Variants in MYO5B observed in about 807,000 individuals in gnomAD.
The protein encoded by MYO5B is myosin VB.
MYO5B carries 143 observed loss-of-function variants against 229.3 expected under a neutral mutation model. The observed-to-expected ratio is 0.62, with a 90% CI of 0.54 to 0.72. The LOEUF (loss-of-function observed/expected upper bound fraction) is 0.72. Among genes scored for constraint, MYO5B ranks in the 30% least tolerant of loss-of-function variants. MYO5B has a pLI of 0.00. For synonymous variants in MYO5B, 918 were observed against 885.2 expected (o/e 1.04, Z -0.66); for missense variants, 2,321 against 2,331.0 (o/e 1.00, Z 0.09).
chr18:49,875,250 A>G (rs2024504590), intron 26 of MYO5B, among the ~76,000 whole-genome samples: 1 of 152,148 alleles, frequency 6.6e-6, no homozygotes, highest in African/African-American at 2.4e-5. Context: ...ATGAGAGAGG[A>G]AAGTGAGTGA....
At chr18:50,191,611 TATTA>T (rs2033227788) in intron 1 of MYO5B, among the ~76,000 whole-genome samples, 1 of 152,256 alleles carries the variant, frequency 6.6e-6, no homozygotes, top group Non-Finnish European at 1.5e-5. Context: ...AGCAATCCGA[TATTA>T]ATTCTTGTTC....
At chr18:50,101,521 G>A (rs2031654825) in intron 1 of MYO5B, among the ~76,000 whole-genome samples, 1 of 151,878 alleles carries the variant, frequency 6.6e-6, no homozygotes, top group African/African-American at 2.4e-5. Flanking sequence ...CTAATATCCA[G>A]AATCTACAAG....
At chr18:49,990,575 C>T (rs2025920071) in intron 6 of MYO5B, 55 bp from the exon 7 acceptor site, 1 of 1,458,390 alleles carries the variant, frequency 6.9e-7, no homozygotes, top group South Asian at 1.1e-5. Context: ...ACATCGTTCC[C>T]TCTGCCACTG....
chr18:49,914,850 T>A (rs1360581830), intron 17 of MYO5B, among the ~76,000 whole-genome samples: 1 of 151,024 alleles, frequency 6.6e-6, no homozygotes, highest in Non-Finnish European at 1.5e-5. Flanking sequence ...CAGCTTTGGA[T>A]TCAGCTGCAG....
At chr18:49,893,685 A>C (rs117492973) in intron 22 of MYO5B, among the ~76,000 whole-genome samples, 1,628 of 152,226 alleles carry the variant, frequency 0.011, 9 homozygotes, top group Non-Finnish European at 0.018. Context: ...CCTGGATCCC[A>C]CCTCTGGCCC....
rs1247095174 is a variant in MYO5B at position 49,902,774 on chromosome 18, G to A, written c.2631C>T (p.Arg877=). 6.2e-7 allele frequency: 1 copy of A among 1,604,964 alleles called. No individual in the cohort carries two copies. Among genetic ancestry groups the A allele is most frequent in the Middle Eastern group, 1.6e-4 (1 of 6,062 alleles). The part of the protein sequence containing the change: ...IQKHVRGWMA[R]RHFQRLRDAA... ...CATCCCGCAGCCGCTGGAAGTGCCTGCGTGCCATCCAGCCCCGCACGTGCT... is the reference window on the plus strand; with the variant it reads ...CATCCCGCAGCCGCTGGAAGTGCCTACGTGCCATCCAGCCCCGCACGTGCT... The change falls in exon 21 of 40, where the codon CGC becomes CGT. Residue 877 remains arginine, a synonymous_variant. Coordinates refer to ENST00000285039, the MANE Select transcript of MYO5B (RefSeq NM_001080467.3).
At chr18:50,069,803 CTCTT>C (rs1287474723) in intron 1 of MYO5B, among the ~76,000 whole-genome samples, 1 of 152,092 alleles carries the variant, frequency 6.6e-6, no homozygotes, top group Non-Finnish European at 1.5e-5. Context: ...CCAGCCAGTG[CTCTT>C]TCTACTTCTC....
chr18:49,936,277 G>T lies in MYO5B; in HGVS notation c.1978C>A (p.Pro660Thr). ...TTPHYVRCIK[P>T]NDEKLPFHFD... ...TGAAAGGGGAGCTTCTCATCGTTGG[G>T]CTTGATGCAGCGGACATAGTGAGGT... The change falls in exon 16 of 40, where the codon CCC becomes ACC. Residue 660 changes from proline (P) to threonine (T), a missense_variant. Transcript: ENST00000285039. 6.2e-7 allele frequency: 1 copy of T among 1,602,272 alleles called. No individual in the cohort carries two copies. The highest frequency in any genetic ancestry group is 8.5e-7 in the Non-Finnish European group (1 of 1,173,864).
chr18:50,052,686 C>A (rs1394400756), intron 2 of MYO5B, among the ~76,000 whole-genome samples: 1 of 106,218 alleles, frequency 9.4e-6, no homozygotes, highest in Non-Finnish European at 1.9e-5. Context: ...GCACATGTAC[C>A]CTAAAACTTA....
chr18:50,016,249 T>G (rs2026214245), intron 4 of MYO5B, among the ~76,000 whole-genome samples: 1 of 152,172 alleles, frequency 6.6e-6, no homozygotes, highest in Admixed American at 6.5e-5. Flanking sequence ...TGACTCTCAA[T>G]TCCACCAAAA....
At chr18:50,150,071 C>T (rs1453764625) in intron 1 of MYO5B, among the ~76,000 whole-genome samples, 30 of 147,172 alleles carry the variant, frequency 2.0e-4, no homozygotes, top group Non-Finnish European at 3.0e-4. Flanking sequence ...AGCCAAAAAA[C>T]ACATGAAAAA....
At chr18:50,173,466 A>G (rs2032948215) in intron 1 of MYO5B, among the ~76,000 whole-genome samples, 1 of 152,180 alleles carries the variant, frequency 6.6e-6, no homozygotes, top group African/African-American at 2.4e-5. Context: ...ACAGAGCCCA[A>G]CTGACGTTAC....
At chr18:50,078,449 G>A (rs1243797016) in intron 1 of MYO5B, among the ~76,000 whole-genome samples, 1 of 152,072 alleles carries the variant, frequency 6.6e-6, no homozygotes, top group African/African-American at 2.4e-5. Context: ...ACTAAAATCT[G>A]GATTGACACA....
Position 49,826,405 on chromosome 18 carries a change from A to C in MYO5B, c.*66T>G. On this transcript the variant is annotated 3_prime_UTR_variant, in exon 40 of 40. Coordinates refer to ENST00000285039, the MANE Select transcript of MYO5B (RefSeq NM_001080467.3). ...CCAGATTTAACAGATCCTTGAATTT[A>C]CTTTACTGTATATACTTCCTTCTTG... is the stretch of plus-strand genomic sequence containing the variant. 1.3e-6 allele frequency: 2 copies of C among 1,575,030 alleles called. No homozygotes were observed. Among genetic ancestry groups the C allele is most frequent in the Non-Finnish European group, 1.7e-6 (2 of 1,149,296 alleles).
intron 27 of MYO5B, chr18:49,871,689 G>A (rs16951168): frequency 1.2e-5 from 3 of 240,820 alleles, no homozygotes; most frequent in Non-Finnish European, 2.5e-5. Context: ...TTGTAGTCCT[G>A]TAAGTGACTG....
chr18:49,965,485 C>CACACA, intron 10 of MYO5B, among the ~76,000 whole-genome samples: 1 of 72,652 alleles, frequency 1.4e-5, no homozygotes, highest in Admixed American at 1.4e-4. Flanking sequence ...ACACACACAC[C>CACACA]TCTTCTCATT....
chr18:50,035,418 G>A (rs184685452), intron 4 of MYO5B, among the ~76,000 whole-genome samples: 4 of 152,340 alleles, frequency 2.6e-5, no homozygotes, highest in East Asian at 3.9e-4. Context: ...TCTAAAGGAG[G>A]AAAGAGTGTC....
rs149451181 is a variant in MYO5B at position 50,164,305 on chromosome 18, G to A, written c.27+30462C>T. 2.6e-3 allele frequency among the ~76,000 whole-genome samples: 400 copies of A among 152,252 alleles called. 4 individuals carry two copies. Among genetic ancestry groups the A allele is most frequent in the African/African-American group, 9.3e-3 (388 of 41,550 alleles). ...TCCTTAAGTATATGCCTTGTTATGGGTGGCCTTCTCTTCAAATAGAGCAAG... is the reference window on the plus strand; with the variant it reads ...TCCTTAAGTATATGCCTTGTTATGGATGGCCTTCTCTTCAAATAGAGCAAG... On this transcript the variant is annotated intron_variant, in intron 1 of 39. Transcript: ENST00000285039.
chr18:50,023,858 G>T (rs898242334), intron 4 of MYO5B, among the ~76,000 whole-genome samples: 1 of 152,112 alleles, frequency 6.6e-6, no homozygotes, highest in Non-Finnish European at 1.5e-5. Flanking sequence ...GGTATCATGC[G>T]TTGAAGATGC....
Sources: gnomAD v4.1 joint callset for allele counts (sites outside exome capture counted in the v4.1 genomes callset) on GRCh38, gnomAD v4.1.1 for gene constraint, MANE v1.5 for transcripts, NCBI Gene and HGNC (gene_info 2026-07-23, HGNC 2026-07-21) for gene names.